RUNDC3A: variants seen among roughly 807,000 people sequenced by gnomAD.
RUNDC3A encodes RUN domain containing 3A, also known as RUN domain-containing protein 3A.
A neutral mutation model predicts 53.9 loss-of-function variants in RUNDC3A; 28 were observed. That is an observed-to-expected ratio of 0.52 (90% confidence interval 0.38 to 0.71). RUNDC3A has a LOEUF of 0.71. RUNDC3A is among the 30% of genes least tolerant of loss of function. RUNDC3A has a pLI of 0.00. For missense variants in RUNDC3A, 491 were observed against 597.3 expected (o/e 0.82, Z 1.85); for synonymous variants, 232 against 249.4 (o/e 0.93, Z 0.66).
Position 44,315,432 on chromosome 17 carries a change from G to T in RUNDC3A, c.796-20G>T. 1 of 1,428,266 alleles carries T rather than the reference G, an allele frequency of 7.0e-7. No homozygotes were observed. The highest frequency in any genetic ancestry group is 1.5e-5 in the South Asian group (1 of 66,950). 88.5% of individuals were successfully genotyped at this position (1,428,266 alleles called of 1,614,324 possible). On this transcript the variant is annotated intron_variant, in intron 7 of 10. Coordinates refer to ENST00000426726, the MANE Select transcript of RUNDC3A (RefSeq NM_001144825.2). This position sits in a 1 kb window ranked among gnomAD's most constrained non-coding sequence, Gnocchi z 6.1. ...CCGGGACGTCCTCCCAGCCGCCCGG[G>T]CTGAGCCGGCGCCCCGCAGGGCTAC...
chr17:44,310,560 G>A (rs2047730281), intron 1 of RUNDC3A: 1 of 267,738 alleles, frequency 3.7e-6, no homozygotes, highest in African/African-American at 2.3e-5. Context: ...CAAAGGCTCA[G>A]TAACCCCCAG....
Position 44,316,496 on chromosome 17 carries a change from C to A in RUNDC3A, c.1065C>A (p.Gly355=). The part of the protein sequence containing the change: ...PSLGTLNGAE[G]ASNSKLYRRH... ...TGGGAACGCTTAATGGGGCCGAGGG[C>A]GCCAGCAACTCCAAGCTCTACCGGA... is the stretch of plus-strand genomic sequence containing the variant. The change falls in exon 9 of 11, where the codon GGC becomes GGA. Residue 355 remains glycine, a synonymous_variant. Coordinates refer to ENST00000426726, the MANE Select transcript of RUNDC3A (RefSeq NM_001144825.2). 6.2e-7 allele frequency: 1 copy of A among 1,612,764 alleles called. No homozygotes were observed. The highest frequency in any genetic ancestry group is 1.1e-5 in the South Asian group (1 of 90,972).
chr17:44,311,456 C>A (rs2047745551), intron 1 of RUNDC3A: 6 of 607,224 alleles, frequency 9.9e-6, no homozygotes, highest in Admixed American at 6.3e-5. Context: ...ATTTCTTTAC[C>A]TGTAAAATGG....
intron 8 of RUNDC3A, 90 bp from the exon 9 acceptor site, chr17:44,316,295 A>G: frequency 7.6e-7 from 1 of 1,315,380 alleles, no homozygotes; most frequent in Middle Eastern, 1.9e-4. Flanking sequence ...CTCAGATTTC[A>G]TTCCTGACCC....
chr17:44,314,158 A>G, intron 4 of RUNDC3A: 2 of 993,090 alleles, frequency 2.0e-6, no homozygotes, highest in Non-Finnish European at 2.4e-6. Context: ...AAACAACGAA[A>G]GCAGTTCTGT....
chr17:44,309,522 C>A (rs560422829), intron 1 of RUNDC3A, among the ~76,000 whole-genome samples: 7 of 152,240 alleles, frequency 4.6e-5, no homozygotes, highest in African/African-American at 1.2e-4. Context: ...ATCGGGAGGA[C>A]AGGGCCACTG....
chr17:44,312,809 C>T (rs1234593740), intron 2 of RUNDC3A, 114 bp downstream of exon 2: 1 of 604,748 alleles, frequency 1.7e-6, no homozygotes, highest in Non-Finnish European at 2.9e-6. Flanking sequence ...CCTTTAGCTC[C>T]CAGCCACCTC....
At position 44,318,598 on chromosome 17, in the gene RUNDC3A, C is replaced by T. The variant is rs1451401029; in HGVS notation, c.*360C>T. 3.9e-6 allele frequency: 1 copy of T among 257,748 alleles called. No homozygotes were observed. Among genetic ancestry groups the T allele is most frequent in the Non-Finnish European group, 7.6e-6 (1 of 130,754 alleles). The allele number at this position is 257,748 out of a possible 1,614,324, so 16.0% of individuals were successfully genotyped here. On this transcript the variant is annotated 3_prime_UTR_variant, in exon 11 of 11. Transcript: ENST00000426726. Reference sequence around the variant, plus strand: ...CCCAGTCTCTAGCCTCTCCATCTGTCTGTGTATGGCCTGGAGTCACTCCTT... The same window carrying T: ...CCCAGTCTCTAGCCTCTCCATCTGTTTGTGTATGGCCTGGAGTCACTCCTT...
chr17:44,313,963 C>T, intron 4 of RUNDC3A: 1 of 993,146 alleles, frequency 1.0e-6, no homozygotes, highest in Non-Finnish European at 1.2e-6. Context: ...AGCCACCGCT[C>T]CTGGCCCCAG....
chr17:44,315,666 G>C lies in RUNDC3A; in HGVS notation c.953+57G>C, dbSNP rs2047848438. On this transcript the variant is annotated intron_variant, in intron 8 of 10. Coordinates refer to ENST00000426726, the MANE Select transcript of RUNDC3A (RefSeq NM_001144825.2). This position sits in a 1 kb window ranked among gnomAD's most constrained non-coding sequence, Gnocchi z 6.1. The stretch of plus-strand genomic sequence containing the variant: ...CCCGCCGCCCCGACCACATCACCGG[G>C]TGAACCCCATCTTCACTTCCATCGA... 6 of 1,330,104 alleles carry C rather than the reference G, an allele frequency of 4.5e-6. No homozygotes were observed. The South Asian group carries it at 1.1e-4, about 25-fold the overall frequency. 82.4% of individuals were successfully genotyped at this position (1,330,104 alleles called of 1,614,324 possible).
chr17:44,308,887 G>C lies in RUNDC3A; in HGVS notation c.55G>C (p.Ala19Pro). 1 of 1,611,990 alleles carries C rather than the reference G, an allele frequency of 6.2e-7. No individual in the cohort carries two copies. The highest frequency in any genetic ancestry group is 8.5e-7 in the Non-Finnish European group (1 of 1,179,004). Residue 19 changes from alanine to proline, a missense_variant, in exon 1 of 11, where the codon GCG becomes CCG. By Grantham distance (27) the Ala-to-Pro change is conservative. Transcript: ENST00000426726. ...GGCTCTGGGGCTGTCCTCCAAGAAAGCGTCCTCTCGCAACGTGGCTGTGGA... is the reference window on the plus strand; with the variant it reads ...GGCTCTGGGGCTGTCCTCCAAGAAACCGTCCTCTCGCAACGTGGCTGTGGA... ...TMALGLSSKK[A>P]SSRNVAVERK... is the part of the protein sequence containing the mutation.
chr17:44,317,535 C>T, intron 10 of RUNDC3A: 1 of 780,922 alleles, frequency 1.3e-6, no homozygotes. Flanking sequence ...CCCAGGACTT[C>T]AACGCATGCA....
intron 1 of RUNDC3A, among the ~76,000 whole-genome samples, chr17:44,311,732 CA>C (rs1567852665): frequency 6.6e-6 from 1 of 152,156 alleles, no homozygotes; most frequent in Non-Finnish European, 1.5e-5. Flanking sequence ...GTAGTGACTG[CA>C]GAGGGAGCCT....
chr17:44,312,596 C>A lies in RUNDC3A; in HGVS notation c.124C>A (p.Leu42Met). 3 of 1,573,502 alleles carry A rather than the reference C, an allele frequency of 1.9e-6. No homozygotes were observed. Among genetic ancestry groups the A allele is most frequent in the Non-Finnish European group, 2.6e-6 (3 of 1,159,448 alleles). ...ITVCRFSVKTLLEKYTAEPID... is the reference protein window; with the variant it reads ...ITVCRFSVKTMLEKYTAEPID... ...GCCGCCCAGGTTCTCTGTGAAAACG[C>A]TGCTGGAGAAGTACACAGCGGAGCC... is the stretch of plus-strand genomic sequence containing the variant. The change falls in exon 2 of 11, where the codon CTG becomes ATG. Residue 42 changes from leucine to methionine, a missense_variant. Physicochemically the swap from Leu to Met is conservative, Grantham distance 15 (BLOSUM62 2). This residue lies in a region of RUNDC3A where 273 missense variants were observed against 389.0 expected (regional missense o/e 0.70). Transcript: ENST00000426726.
rs2047688761 is a variant in RUNDC3A, at chr17:44,308,689, C to A, written c.-144C>A. ...GGGGAGGGAGCGAGGGGGCCGGGCA[C>A]CGGGCGCAAAGGCAGGGGGATGGCC... is the stretch of plus-strand genomic sequence containing the variant. On this transcript the variant is annotated 5_prime_UTR_variant, in exon 1 of 11. Coordinates refer to ENST00000426726, the MANE Select transcript of RUNDC3A (RefSeq NM_001144825.2). 3.3e-5 allele frequency: 16 copies of A among 478,270 alleles called. No individual in the cohort carries two copies. In the South Asian group the frequency reaches 5.9e-4, roughly 18 times the overall value. The allele number at this position is 478,270 out of a possible 1,614,324, so 29.6% of individuals were successfully genotyped here.
At chr17:44,312,756 TC>T (rs890633611) in intron 2 of RUNDC3A, 61 bp downstream of exon 2, 70 of 253,624 alleles carry the variant, frequency 2.8e-4, no homozygotes, top group South Asian at 1.3e-3. Flanking sequence ...CAGTGGTCCC[TC>T]CCCCAGCGCC....
At chr17:44,311,021 C>CT in intron 1 of RUNDC3A, 3 of 985,456 alleles carry the variant, frequency 3.0e-6, no homozygotes, top group Non-Finnish European at 3.6e-6. Context: ...GAGGCAGGTA[C>CT]GATTGTTCCC....
intron 10 of RUNDC3A, 97 bp downstream of exon 10, chr17:44,316,822 T>C (rs911294507): frequency 5.9e-4 from 45 of 76,672 alleles, no homozygotes; most frequent in Non-Finnish European, 8.1e-4. Context: ...CTCTTAGTCT[T>C]TTTTTTTTTT....
At chr17:44,313,028 G>T in intron 2 of RUNDC3A, 76 bp from the exon 3 acceptor site, 2 of 1,499,712 alleles carry the variant, frequency 1.3e-6, no homozygotes, top group Non-Finnish European at 1.8e-6. Flanking sequence ...TTATGCTTAT[G>T]CATGTGAGTG....
Sources: allele counts gnomAD v4.1 joint callset (sites outside exome capture counted in the v4.1 genomes callset), GRCh38; gene constraint gnomAD v4.1.1; regional missense constraint gnomAD v4.1.1; non-coding constraint Gnocchi (gnomAD v3.1); transcripts MANE v1.5; gene names NCBI Gene and HGNC (gene_info 2026-07-23, HGNC 2026-07-21).